Variants in ADAMTS3 observed in about 807,000 individuals in gnomAD.
ADAMTS3 encodes the protein ADAM metallopeptidase with thrombospondin type 1 motif 3, also known as A disintegrin and metalloproteinase with thrombospondin motifs 3.
In ADAMTS3, 73 loss-of-function variants were observed where a neutral mutation model predicts 129.0. That is an observed-to-expected ratio of 0.57 (90% CI 0.47 to 0.69). The LOEUF (loss-of-function observed/expected upper bound fraction) is 0.69, where lower values mean the gene tolerates loss of function less well. Among genes scored for constraint, ADAMTS3 ranks in the 30% least tolerant of loss-of-function variants. The pLI, the probability that ADAMTS3 is intolerant of heterozygous loss-of-function variation, is 0.00. For missense variants in ADAMTS3, 1,457 were observed against 1,514.5 expected, an observed-to-expected ratio of 0.96 and a Z score of 0.63; for synonymous variants, 477 against 510.8, an observed-to-expected ratio of 0.93 and a Z score of 0.89.
intron 3 of ADAMTS3, among the ~76,000 whole-genome samples, chr4:72,518,239 G>C (rs904102626): frequency 1.3e-5 from 2 of 152,076 alleles, no homozygotes; most frequent in African/African-American, 4.8e-5. Flanking sequence ...CATTTGCTGA[G>C]GAGACCTTTA....
intron 4 of ADAMTS3, among the ~76,000 whole-genome samples, chr4:72,372,142 C>T (rs1222983004): frequency 6.6e-6 from 1 of 151,926 alleles, no homozygotes; most frequent in African/African-American, 2.4e-5. Flanking sequence ...GCCTCTAATG[C>T]CTACATTGTG....
At chr4:72,499,596 G>C (rs1719956793) in intron 3 of ADAMTS3, among the ~76,000 whole-genome samples, 1 of 152,088 alleles carries the variant, frequency 6.6e-6, no homozygotes, top group Admixed American at 6.6e-5. Context: ...CGGGGGCTCA[G>C]GCATTTCTTT....
intron 18 of ADAMTS3, 26 bp downstream of exon 18, chr4:72,298,251 A>T: frequency 6.3e-7 from 1 of 1,589,776 alleles, no homozygotes; most frequent in Non-Finnish European, 8.6e-7. Flanking sequence ...TTACATTTTA[A>T]TATAATAAAT....
intron 3 of ADAMTS3, among the ~76,000 whole-genome samples, chr4:72,538,405 C>G (rs1721234746): frequency 1.3e-5 from 2 of 151,954 alleles, no homozygotes; most frequent in African/African-American, 4.8e-5. Context: ...AGTGATTCAT[C>G]ACATTACAAG....
rs1167153507 is a variant in ADAMTS3, at chr4:72,318,695, G to A, written c.1362C>T (p.Asp454=). The A allele has an allele frequency of 2.5e-6, 4 of 1,613,298 alleles. No individual in the cohort carries two copies. The South Asian group carries it at 3.3e-5, about 13-fold the overall frequency. ...QELKRYIHSY[D]CLLDDPFDHD... is the part of the protein sequence containing the mutation. ...GATCAAAAGGGTCATCAAGGAGACA[G>A]TCATAGGAACTGTAGGAAGAAAAAT... Residue 454 remains aspartate (D), a synonymous_variant, in exon 10 of 22, where the codon GAC becomes GAT. Transcript: ENST00000286657.
intron 2 of ADAMTS3, among the ~76,000 whole-genome samples, chr4:72,556,237 A>G (rs967929903): frequency 1.3e-5 from 2 of 151,734 alleles, no homozygotes; most frequent in Non-Finnish European, 2.9e-5. Context: ...ACTGTATGAC[A>G]TATGACAGAC....
intron 18 of ADAMTS3, among the ~76,000 whole-genome samples, chr4:72,296,245 T>A (rs947194689): frequency 6.6e-6 from 1 of 151,946 alleles, no homozygotes; most frequent in Non-Finnish European, 1.5e-5. Flanking sequence ...TATGGGGTAA[T>A]GGAAATGAAG....
At chr4:72,417,059 T>A (rs1186382681) in intron 3 of ADAMTS3, among the ~76,000 whole-genome samples, 2 of 152,210 alleles carry the variant, frequency 1.3e-5, no homozygotes, top group Admixed American at 1.3e-4. Context: ...GGAGTTTCAG[T>A]ATTCATCTTT....
chr4:72,568,844 T>A lies in ADAMTS3; in HGVS notation c.-82A>T. The stretch of plus-strand genomic sequence containing the variant: ...ACCCCCCCCGCCCAAAATAAGTTTC[T>A]TTAAGAAAAAAAGGAAAAGGGAAAA... On this transcript the variant is annotated 5_prime_UTR_variant, in exon 1 of 22. In the 5' UTR this introduces an upstream ATG that the reference lacks. Transcript: ENST00000286657. The A allele has an allele frequency of 9.7e-7, 1 of 1,031,296 alleles. No individual in the cohort carries two copies. The highest frequency in any genetic ancestry group is 1.4e-6 in the Non-Finnish European group (1 of 720,226). 63.9% of individuals were successfully genotyped at this position (1,031,296 alleles called of 1,614,324 possible).
At chr4:72,429,688 T>C (rs1468023447) in intron 3 of ADAMTS3, among the ~76,000 whole-genome samples, 1 of 152,060 alleles carries the variant, frequency 6.6e-6, no homozygotes, top group Non-Finnish European at 1.5e-5. Flanking sequence ...AAAGATAAGC[T>C]AGATTCTAAT....
chr4:72,317,026 T>C (rs776982081), intron 10 of ADAMTS3, among the ~76,000 whole-genome samples: 3 of 149,204 alleles, frequency 2.0e-5, no homozygotes, highest in Non-Finnish European at 2.9e-5. Context: ...TAAGCAAACA[T>C]GTGTATTTGT....
intron 1 of ADAMTS3, chr4:72,568,048 AG>A (rs748143992): frequency 3.9e-4 from 60 of 153,376 alleles, no homozygotes; most frequent in Admixed American, 5.8e-4. Flanking sequence ...GGAGTTGTGC[AG>A]AGGGGGAGGG....
At chr4:72,467,706 C>A (rs761681302) in intron 3 of ADAMTS3, among the ~76,000 whole-genome samples, 2 of 152,076 alleles carry the variant, frequency 1.3e-5, no homozygotes, top group African/African-American at 4.8e-5. Context: ...TCCCTGAATA[C>A]ATCACAGACT....
rs369843746 is a variant in ADAMTS3, at chr4:72,283,087, G to A, written c.*49C>T. The A allele has an allele frequency of 2.7e-6, 4 of 1,472,386 alleles. No individual in the cohort carries two copies. In the African/African-American group the frequency reaches 5.6e-5, roughly 21 times the overall value. The allele number at this position is 1,472,386 out of a possible 1,614,324, so 91.2% of individuals were successfully genotyped here. On this transcript the variant is annotated 3_prime_UTR_variant, in exon 22 of 22. Coordinates refer to ENST00000286657, the MANE Select transcript of ADAMTS3 (RefSeq NM_014243.3). ...CAAGCATATGCACCATGGGAAGAGA[G>A]AGGTTGTCCAGGTTTTCCTCTGGTT...
At chr4:72,352,620 G>T (rs1198170284) in intron 4 of ADAMTS3, among the ~76,000 whole-genome samples, 1 of 151,966 alleles carries the variant, frequency 6.6e-6, no homozygotes, top group Non-Finnish European at 1.5e-5. Flanking sequence ...AGGAAAGAAG[G>T]ATATGTAAAC....
At chr4:72,565,619 T>C (rs1722003060) in intron 2 of ADAMTS3, among the ~76,000 whole-genome samples, 4 of 152,198 alleles carry the variant, frequency 2.6e-5, no homozygotes, top group Admixed American at 6.5e-5. Context: ...AGAATGGTAA[T>C]AATAAAAGAG....
In ADAMTS3 at chr4:72,568,843, C is replaced by CT; in HGVS notation, c.-82dup. The CT allele has an allele frequency of 1.2e-6, 1 of 825,090 alleles. No homozygotes were observed. Among genetic ancestry groups the CT allele is most frequent in the South Asian group, 2.1e-5 (1 of 46,710 alleles). The allele number at this position is 825,090 out of a possible 1,614,324, so 51.1% of individuals were successfully genotyped here. A position where few individuals can be genotyped will look rare whatever the true frequency, so the allele number is the denominator to read the frequency against. On this transcript the variant is annotated 5_prime_UTR_variant, in exon 1 of 22. Transcript: ENST00000286657. ...CACCCCCCCCGCCCAAAATAAGTTT[C>CT]TTTAAGAAAAAAAGGAAAAGGGAAA... is the stretch of plus-strand genomic sequence containing the variant.
At chr4:72,532,271 C>A (rs1423434173) in intron 3 of ADAMTS3, among the ~76,000 whole-genome samples, 1 of 152,010 alleles carries the variant, frequency 6.6e-6, no homozygotes, top group Non-Finnish European at 1.5e-5. Context: ...TTTAATAAAC[C>A]CTCCAGGAGA....
chr4:72,308,535 A>G (rs1453617453), intron 15 of ADAMTS3, among the ~76,000 whole-genome samples: 2 of 151,924 alleles, frequency 1.3e-5, no homozygotes, highest in African/African-American at 2.4e-5. Flanking sequence ...AAGACATCAA[A>G]ATCTTCTTGA....
Sources: gnomAD v4.1 joint callset for allele counts (sites outside exome capture counted in the v4.1 genomes callset) on GRCh38, gnomAD v4.1.1 for gene constraint, MANE v1.5 for transcripts, NCBI Gene and HGNC (gene_info 2026-07-23, HGNC 2026-07-21) for gene names.